Variants in SGCD observed in about 807,000 individuals in gnomAD.
The protein encoded by SGCD is delta-sarcoglycan.
SGCD carries 18 observed loss-of-function variants against 36.6 expected under a neutral mutation model. The observed-to-expected ratio is 0.49, with a 90% CI of 0.34 to 0.73. The LOEUF is 0.73. Among genes scored for constraint, SGCD ranks in the 30% least tolerant of loss-of-function variants. SGCD has a pLI of 0.01. For missense variants in SGCD, 387 were observed against 346.7 expected, an observed-to-expected ratio of 1.12 and a Z score of -0.92; for synonymous variants, 133 against 130.6, an observed-to-expected ratio of 1.02 and a Z score of -0.12.
At chr5:156,101,027 A>AT (rs1183339665) in intron 1 of SGCD, among the ~76,000 whole-genome samples, 2 of 152,204 alleles carry the variant, frequency 1.3e-5, no homozygotes, top group Non-Finnish European at 2.9e-5. Context: ...TTGTGCACCT[A>AT]TAAGAAGAGA....
At chr5:156,648,590 G>A (rs967739817) in intron 7 of SGCD, among the ~76,000 whole-genome samples, 55 of 152,106 alleles carry the variant, frequency 3.6e-4, no homozygotes, top group African/African-American at 1.3e-3. Flanking sequence ...CAAAGGAAGA[G>A]GATAGTTGGT....
chr5:156,497,170 ACTCTCTCTCTCTCTCTCTCT>A (rs10559912), intron 3 of SGCD, among the ~76,000 whole-genome samples: 19 of 145,212 alleles, frequency 1.3e-4, no homozygotes, highest in Middle Eastern at 3.8e-3. Context: ...ACTCTCCTGC[ACTCTCTCTCTCTCTCTCTCT>A]CTCTCTCTCT....
chr5:156,223,670 G>A (rs1581178001), intron 3 of SGCD, among the ~76,000 whole-genome samples: 1 of 152,150 alleles, frequency 6.6e-6, no homozygotes, highest in African/African-American at 2.4e-5. Flanking sequence ...TGAGAATGGA[G>A]AGCATGGGGC....
At chr5:156,392,418 G>A (rs1473247946) in intron 3 of SGCD, among the ~76,000 whole-genome samples, 5 of 152,204 alleles carry the variant, frequency 3.3e-5, no homozygotes, top group Admixed American at 6.5e-5. Flanking sequence ...CTTCTTCAGT[G>A]TGCACTATTC....
intron 3 of SGCD, among the ~76,000 whole-genome samples, chr5:156,451,437 T>C (rs1274643476): frequency 6.6e-6 from 1 of 152,168 alleles, no homozygotes; most frequent in East Asian, 1.9e-4. Context: ...TAAGGAATTT[T>C]TAAAGAAGTG....
At chr5:155,824,211 C>T in the SGCD span, among the ~76,000 whole-genome samples, 1 of 152,110 alleles carries the variant, frequency 6.6e-6, no homozygotes, top group Non-Finnish European at 1.5e-5. Flanking sequence ...TTTAGTCCTG[C>T]ATAGTAATGG....
intron 2 of SGCD, among the ~76,000 whole-genome samples, chr5:156,122,793 T>A (rs1762073909): frequency 7.3e-6 from 1 of 136,230 alleles, no homozygotes; most frequent in Non-Finnish European, 1.5e-5. Flanking sequence ...CTGTGCAACC[T>A]TGTAGATCTT....
rs577023613 is a variant in SGCD, at chr5:156,088,647, G to T, written c.-281-29231G>T. Among the ~76,000 whole-genome samples, 4 of 151,960 alleles carry T rather than the reference G, an allele frequency of 2.6e-5. No individual in the cohort carries two copies. The East Asian group carries it at 7.7e-4, about 29-fold the overall frequency. ...TCTGAGTATCTGGGACCACAGATGT[G>T]CACTGCTATACTCGGCTAATTGTTT... On this transcript the variant is annotated intron_variant, in intron 1 of 9. Coordinates refer to the SGCD transcript ENST00000517913.
At chr5:155,845,606 C>A in the SGCD span, 1 of 152,126 alleles carries the variant, frequency 6.6e-6, no homozygotes, top group African/African-American at 2.4e-5. Flanking sequence ...TCTCTTTCTC[C>A]AAAAATGTTC....
At chr5:156,170,775 G>A (rs532058809) in intron 3 of SGCD, among the ~76,000 whole-genome samples, 1 of 152,268 alleles carries the variant, frequency 6.6e-6, no homozygotes, top group African/African-American at 2.4e-5. Context: ...CTATCCTCTT[G>A]CCCTGGCTAA....
At chr5:156,745,408 G>A (rs957491269) in intron 7 of SGCD, among the ~76,000 whole-genome samples, 6 of 152,148 alleles carry the variant, frequency 3.9e-5, no homozygotes, top group African/African-American at 1.4e-4. Flanking sequence ...ATTAGTTTAC[G>A]GTGGGTCCAA....
chr5:155,984,113 C>T (rs547743744), intron 1 of SGCD, among the ~76,000 whole-genome samples: 22 of 152,306 alleles, frequency 1.4e-4, no homozygotes, highest in African/African-American at 4.6e-4. Context: ...TTTGCATTTG[C>T]GAAACATTTT....
chr5:156,725,535 C>G (rs1755732157), intron 7 of SGCD, among the ~76,000 whole-genome samples: 1 of 152,184 alleles, frequency 6.6e-6, no homozygotes, highest in Non-Finnish European at 1.5e-5. Context: ...TAAATAAGAA[C>G]TGGACTCCAT....
chr5:156,437,861 C>T (rs1056999730), intron 3 of SGCD, among the ~76,000 whole-genome samples: 2 of 152,122 alleles, frequency 1.3e-5, no homozygotes, highest in African/African-American at 2.4e-5. Context: ...TTGGAATTAC[C>T]TCTGTGATTT....
chr5:156,597,274 C>T (rs555342704), intron 6 of SGCD, among the ~76,000 whole-genome samples: 13 of 150,648 alleles, frequency 8.6e-5, no homozygotes, highest in South Asian at 2.1e-4. Flanking sequence ...GGGTTGTAGG[C>T]GAGTATATTA....
chr5:155,905,564 C>G (rs902653042), intron 1 of SGCD, among the ~76,000 whole-genome samples: 1 of 152,080 alleles, frequency 6.6e-6, no homozygotes, highest in East Asian at 1.9e-4. Flanking sequence ...GCATTACTGG[C>G]ATACCTCATT....
At chr5:155,742,678 C>T in the SGCD span, among the ~76,000 whole-genome samples, 2 of 152,186 alleles carry the variant, frequency 1.3e-5, no homozygotes, top group South Asian at 2.1e-4. Flanking sequence ...AAGCCATTCT[C>T]CAGCAGATAC....
intron 7 of SGCD, among the ~76,000 whole-genome samples, chr5:156,726,860 T>G (rs1315376996): frequency 6.6e-6 from 1 of 152,230 alleles, no homozygotes; most frequent in Non-Finnish European, 1.5e-5. Context: ...GTTTTGCTGC[T>G]ACATATCTGT....
chr5:156,442,131 G>A lies in SGCD; in HGVS notation c.193-66470G>A, dbSNP rs79185928. ...AATAGATTTAGCTCAGAATTCAGCC[G>A]CAGGGTTGTTTTTTCAGGGCAGAGC... On this transcript the variant is annotated intron_variant, in intron 3 of 8. Coordinates refer to ENST00000337851, the MANE Select transcript of SGCD (RefSeq NM_000337.6). Among the ~76,000 whole-genome samples, 10 of 152,292 alleles carry A rather than the reference G, an allele frequency of 6.6e-5. No homozygotes were observed. In the East Asian group the frequency reaches 1.4e-3, roughly 21 times the overall value.
Sources: gnomAD v4.1 joint callset for allele counts (sites outside exome capture counted in the v4.1 genomes callset) on GRCh38, gnomAD v4.1.1 for gene constraint, MANE v1.5 for transcripts, NCBI Gene and HGNC (gene_info 2026-07-23, HGNC 2026-07-21) for gene names.